Variants in CLUL1 observed in about 807,000 individuals in gnomAD.
CLUL1 encodes the protein clusterin like 1.
In CLUL1, 43 loss-of-function variants were observed where a neutral mutation model predicts 49.4. That is an observed-to-expected ratio of 0.87 (90% CI 0.68 to 1.12). CLUL1 has a LOEUF of 1.12. CLUL1 is among the 50% of genes most tolerant of loss of function. The pLI is 0.00. For missense variants in CLUL1, 486 were observed against 544.4 expected, an observed-to-expected ratio of 0.89 and a Z score of 1.07; for synonymous variants, 192 against 184.9, an observed-to-expected ratio of 1.04 and a Z score of -0.31.
In CLUL1 at chr18:598,787, T is replaced by C. The variant is rs552245281; in HGVS notation, c.-136+1658T>C. Reference sequence around the variant, plus strand: ...TCCACTCATATGCCCTTGCAAGAAATAGGTTGCATTCCTTTTTCCGGACTT... The same window carrying C: ...TCCACTCATATGCCCTTGCAAGAAACAGGTTGCATTCCTTTTTCCGGACTT... On this transcript the variant is annotated intron_variant, in intron 1 of 9. Coordinates refer to ENST00000692774, the MANE Select transcript of CLUL1 (RefSeq NM_001393344.1). 2.6e-5 allele frequency among the ~76,000 whole-genome samples: 4 copies of C among 152,300 alleles called. No individual in the cohort carries two copies. The South Asian group carries it at 8.3e-4, about 32-fold the overall frequency.
intron 9 of CLUL1, among the ~76,000 whole-genome samples, chr18:645,792 TAAAAAA>T (rs869103727): frequency 0.013 from 201 of 16,050 alleles, 32 homozygotes; most frequent in African/African-American, 0.017. Context: ...AGACTCTGTT[TAAAAAA>T]AAAAAAAAAA....
At chr18:623,108 C>T (rs1214347677) in intron 4 of CLUL1, among the ~76,000 whole-genome samples, 1 of 151,548 alleles carries the variant, frequency 6.6e-6, no homozygotes, top group East Asian at 1.9e-4. Flanking sequence ...TCTTGGCTCA[C>T]TGCAACCTCC....
At chr18:601,369 G>A (rs539601111) in intron 1 of CLUL1, among the ~76,000 whole-genome samples, 36 of 152,204 alleles carry the variant, frequency 2.4e-4, no homozygotes, top group East Asian at 9.6e-4. Flanking sequence ...CTGGCCGGGC[G>A]CGGTGGCTCA....
At chr18:601,508 G>A (rs578152240) in intron 1 of CLUL1, among the ~76,000 whole-genome samples, 8 of 152,222 alleles carry the variant, frequency 5.3e-5, no homozygotes, top group South Asian at 2.1e-4. Context: ...TTAGTTGTGC[G>A]TGGTGAAGTG....
At chr18:634,429 G>C (rs1419761898) in intron 7 of CLUL1, among the ~76,000 whole-genome samples, 1 of 152,052 alleles carries the variant, frequency 6.6e-6, no homozygotes, top group Non-Finnish European at 1.5e-5. Context: ...ACCGTGCCTG[G>C]CCTGGTTTAT....
chr18:611,901 T>C (rs986904113), intron 2 of CLUL1, among the ~76,000 whole-genome samples: 1 of 151,722 alleles, frequency 6.6e-6, no homozygotes, highest in African/African-American at 2.4e-5. Context: ...TGCCAGCCAA[T>C]GGCCCCCACT....
At chr18:616,076 C>T (rs567979518) in intron 2 of CLUL1, among the ~76,000 whole-genome samples, 21 of 152,212 alleles carry the variant, frequency 1.4e-4, no homozygotes, top group Admixed American at 6.5e-4. Context: ...TTTCAGTTGC[C>T]AGAGAGACCC....
intron 6 of CLUL1, 48 bp downstream of exon 6, chr18:627,577 A>G (rs754083487): frequency 3.7e-6 from 5 of 1,338,636 alleles, no homozygotes; most frequent in Non-Finnish European, 5.1e-6. Flanking sequence ...ACTAAAGTCA[A>G]GTTTTGTTTA....
Position 627,263 on chromosome 18 carries a change from G to A in CLUL1, c.590G>A (p.Arg197Lys), listed in dbSNP as rs754701144. 6.2e-7 allele frequency: 1 copy of A among 1,613,996 alleles called. No homozygotes were observed. The highest frequency in any genetic ancestry group is 8.5e-7 in the Non-Finnish European group (1 of 1,180,002). The change falls in exon 6 of 10, where the codon AGG (arginine) becomes AAG (lysine). Residue 197 changes from arginine to lysine, a missense_variant. Physicochemically the swap from Arg to Lys is conservative, Grantham distance 26. Coordinates refer to ENST00000692774, the MANE Select transcript of CLUL1 (RefSeq NM_001393344.1). The part of the protein sequence containing the change: ...LTVDVNSLFN[R>K]SFNVFRQMQQ... ...GTGGATGTGAATTCTCTCTTTAACA[G>A]GAGTTTTAACGTCTTCAGACAGATG...
At chr18:624,818 A>G (rs750433675) in intron 4 of CLUL1, 47 bp from the exon 5 acceptor site, 52 of 1,580,084 alleles carry the variant, frequency 3.3e-5, no homozygotes, top group East Asian at 2.0e-4. Flanking sequence ...TAAGGTGCAC[A>G]TAGATTATGA....
rs138689635 is a variant in CLUL1 at position 625,037 on chromosome 18, G to A, written c.423+5G>A. 64 of 1,612,930 alleles carry A rather than the reference G, an allele frequency of 4.0e-5. No individual in the cohort carries two copies. Among genetic ancestry groups the A allele is most frequent in the African/African-American group, 2.9e-4 (22 of 74,938 alleles). ...TGGTCCTCTGTGAAAAATAAGGTAAGAGAAAAAGAGAGCTCAAGATTTCAC... is the reference window on the plus strand; with the variant it reads ...TGGTCCTCTGTGAAAAATAAGGTAAAAGAAAAAGAGAGCTCAAGATTTCAC... On this transcript the variant is annotated splice_donor_5th_base_variant and intron_variant, in intron 5 of 9. Coordinates refer to ENST00000692774, the MANE Select transcript of CLUL1 (RefSeq NM_001393344.1).
rs543461487 is a variant in CLUL1, at chr18:638,860, G to GAA, written c.995-2456_995-2455dup. Among the ~76,000 whole-genome samples, 602 of 143,174 alleles carry GAA rather than the reference G, an allele frequency of 4.2e-3. 5 individuals carry two copies. The highest frequency in any genetic ancestry group is 0.015 in the African/African-American group (576 of 39,398). The allele number at this position is 143,174 out of a possible 152,430, so 93.9% of individuals were successfully genotyped here. ...GTGACAGAGCGAGACTTTGTCTCAG[G>GAA]AAAAAAAAAAAATTCTCAGTCACCT... On this transcript the variant is annotated intron_variant, in intron 7 of 9. Transcript: ENST00000692774.
At chr18:616,622 G>T (rs1056077318) in intron 2 of CLUL1, 5 of 453,944 alleles carry the variant, frequency 1.1e-5, no homozygotes, top group African/African-American at 1.1e-4. Flanking sequence ...CAAAATGTTG[G>T]GTTAATAGGA....
chr18:647,961 G>T (rs11872762), intron 9 of CLUL1, among the ~76,000 whole-genome samples: 1 of 152,052 alleles, frequency 6.6e-6, no homozygotes, highest in African/African-American at 2.4e-5. Context: ...TGGGGACTTA[G>T]GACTCTGCCT....
chr18:643,814 A>G (rs486965), intron 8 of CLUL1, among the ~76,000 whole-genome samples: 152,160 of 152,340 alleles, frequency 1, 75,990 homozygotes, highest in Non-Finnish European at 1. Context: ...GACCCTATAA[A>G]GGAAGTAGAA....
At chr18:597,794 G>GA (rs2072697949) in intron 1 of CLUL1, 1 of 152,196 alleles carries the variant, frequency 6.6e-6, no homozygotes, top group Non-Finnish European at 1.5e-5. Flanking sequence ...ACAGTTTATG[G>GA]AATTATCAGC....
chr18:640,901 A>ATG (rs767661938), intron 7 of CLUL1, among the ~76,000 whole-genome samples: 6 of 151,938 alleles, frequency 3.9e-5, no homozygotes, highest in Admixed American at 1.3e-4. Context: ...GCTTCACTAT[A>ATG]TGTGGTTCTT....
rs902427790 is a variant in CLUL1 at position 619,362 on chromosome 18, G to A, written c.255+1G>A. On this transcript the variant is annotated splice_donor_variant, in intron 4 of 9. Coordinates refer to ENST00000692774, the MANE Select transcript of CLUL1 (RefSeq NM_001393344.1). LOFTEE classifies it high-confidence loss of function. ...GAAGAAATGCAGAGAAGAAAAGCAG[G>A]TACAGTCATTGAAAATAATGTCTGT... 1 of 1,609,300 alleles carries A rather than the reference G, an allele frequency of 6.2e-7. No homozygotes were observed.
intron 1 of CLUL1, among the ~76,000 whole-genome samples, chr18:600,244 G>A (rs1172476732): frequency 1.3e-5 from 2 of 151,962 alleles, no homozygotes; most frequent in Non-Finnish European, 1.5e-5. Flanking sequence ...CTACATATTG[G>A]CTAAATATTT....
Sources: gnomAD v4.1 joint callset for allele counts (sites outside exome capture counted in the v4.1 genomes callset) on GRCh38, gnomAD v4.1.1 for gene constraint, MANE v1.5 for transcripts, NCBI Gene and HGNC (gene_info 2026-07-23, HGNC 2026-07-21) for gene names.